The following SCN3A variants were observed in gnomAD, a reference collection of about 807,000 sequenced individuals.
SCN3A encodes sodium channel protein type 3 subunit alpha.
Under a neutral mutation model 187.6 loss-of-function variants are expected in SCN3A, and 60 were observed. The observed-to-expected ratio is 0.32, with a 90% CI of 0.26 to 0.40. The LOEUF is 0.40. Among genes scored for constraint, SCN3A ranks in the 10% least tolerant of loss-of-function variants. The pLI is 1.00. For synonymous variants in SCN3A, 788 were observed against 829.2 expected, an observed-to-expected ratio of 0.95 and a Z score of 0.85; for missense variants, 1,601 against 2,428.2, an observed-to-expected ratio of 0.66 and a Z score of 7.16.
chr2:165,160,671 C>T (rs993987519), intron 9 of SCN3A, among the ~76,000 whole-genome samples: 4 of 151,558 alleles, frequency 2.6e-5, no homozygotes, highest in African/African-American at 7.3e-5. Flanking sequence ...GACAGGGTCT[C>T]GCTTTGTCAT....
At chr2:165,177,798 A>G (rs992471669) in intron 2 of SCN3A, among the ~76,000 whole-genome samples, 1 of 152,222 alleles carries the variant, frequency 6.6e-6, no homozygotes, top group African/African-American at 2.4e-5. Context: ...TAAATTTCGA[A>G]ATATGAGTTA....
chr2:165,125,440 A>T (rs1235218453), intron 18 of SCN3A, among the ~76,000 whole-genome samples: 1 of 152,034 alleles, frequency 6.6e-6, no homozygotes, highest in Non-Finnish European at 1.5e-5. Context: ...AGTAGCTGGG[A>T]CTACAGGTGC....
chr2:165,171,477 A>C (rs1454391320), intron 3 of SCN3A, among the ~76,000 whole-genome samples: 1 of 152,090 alleles, frequency 6.6e-6, no homozygotes, highest in Non-Finnish European at 1.5e-5. Context: ...CTGCCTGAAT[A>C]TTAGGCTGTC....
chr2:165,150,507 A>G (rs184345819), intron 11 of SCN3A, among the ~76,000 whole-genome samples: 144 of 152,342 alleles, frequency 9.5e-4, no homozygotes, highest in African/African-American at 3.4e-3. Flanking sequence ...TCAGTATTAT[A>G]CTTTACCTTG....
intron 20 of SCN3A, among the ~76,000 whole-genome samples, chr2:165,113,594 C>T (rs987308895): frequency 5.9e-5 from 9 of 152,128 alleles, no homozygotes; most frequent in African/African-American, 2.2e-4. Context: ...GTGAGGAAAA[C>T]ATCTGTTAGA....
At chr2:165,166,794 T>C (rs1001892357) in intron 5 of SCN3A, among the ~76,000 whole-genome samples, 33 of 152,218 alleles carry the variant, frequency 2.2e-4, no homozygotes, top group African/African-American at 8.0e-4. Flanking sequence ...TCCAGCTGAA[T>C]GATGCAAATC....
intron 15 of SCN3A, among the ~76,000 whole-genome samples, chr2:165,132,166 G>A (rs1453419073): frequency 6.6e-6 from 1 of 152,168 alleles, no homozygotes; most frequent in Non-Finnish European, 1.5e-5. Flanking sequence ...CGATGTTCAT[G>A]GGTAGGAAGA....
chr2:165,197,746 A>G (rs892798921), intron 1 of SCN3A, among the ~76,000 whole-genome samples: 3 of 151,716 alleles, frequency 2.0e-5, no homozygotes, highest in African/African-American at 7.3e-5. Flanking sequence ...CATACTATTC[A>G]TGCTTTATGT....
intron 5 of SCN3A, among the ~76,000 whole-genome samples, chr2:165,168,276 T>C (rs898337045): frequency 6.6e-6 from 1 of 152,110 alleles, no homozygotes; most frequent in Admixed American, 6.6e-5. Flanking sequence ...AAAACTTACA[T>C]ATCTAAATAT....
rs200940443 is a variant in SCN3A at position 165,146,882 on chromosome 2, C to T, written c.1528G>A (p.Glu510Lys). The change falls in exon 12 of 28, where the codon GAG becomes AAG. Residue 510 changes from glutamate to lysine, a missense_variant. Physicochemically the swap from Glu to Lys is moderately conservative, Grantham distance 56. Transcript: ENST00000283254. ...RNRRKKRRQR[E>K]HLEGNNKGER... is the part of the protein sequence containing the mutation. ...CCTTTGTTGTTTCCTTCAAGGTGCT[C>T]TCTCTGTCTTCTTTTCTTCCTTCGG... 52 of 1,614,024 alleles carry T rather than the reference C, an allele frequency of 3.2e-5. No individual in the cohort carries two copies. In the Admixed American group the frequency reaches 8.5e-4, roughly 26 times the overall value.
chr2:165,097,232 C>G lies in SCN3A; in HGVS notation c.4239+20G>C, dbSNP rs754178520. 7 of 1,613,508 alleles carry G rather than the reference C, an allele frequency of 4.3e-6. 1 individual carries two copies. The South Asian group carries it at 7.7e-5, about 18-fold the overall frequency. ...AAACATCTTGAAAACTTTTTCAAAA[C>G]TCGTACAGTAGCCACTTACCACTTG... On this transcript the variant is annotated intron_variant, in intron 23 of 27. Transcript: ENST00000283254.
intron 18 of SCN3A, among the ~76,000 whole-genome samples, chr2:165,126,089 G>A (rs1030334358): frequency 6.6e-6 from 1 of 151,954 alleles, no homozygotes; most frequent in Non-Finnish European, 1.5e-5. Context: ...AAGTTTTGTT[G>A]ATACACTTAT....
chr2:165,147,175 T>G (rs1459477831), intron 11 of SCN3A, 146 bp from the exon 12 acceptor site: 1 of 896,294 alleles, frequency 1.1e-6, no homozygotes, highest in Non-Finnish European at 1.7e-6. Flanking sequence ...CCACAAGAGT[T>G]TACTTAACAA....
intron 15 of SCN3A, among the ~76,000 whole-genome samples, chr2:165,134,524 C>T (rs1461647736): frequency 6.6e-6 from 1 of 152,066 alleles, no homozygotes; most frequent in African/African-American, 2.4e-5. Flanking sequence ...GGGAAATACC[C>T]ATCACAGAAA....
chr2:165,146,866 T>G lies in SCN3A; in HGVS notation c.1544A>C (p.Asn515Thr), dbSNP rs1688377578. The G allele has an allele frequency of 6.2e-7, 1 of 1,613,982 alleles. No homozygotes were observed. The highest frequency in any genetic ancestry group is 1.1e-5 in the South Asian group (1 of 91,084). ...KRRQREHLEG[N>T]NKGERDSFPK... ...AAAGCTGTCTCTCTCTCCTTTGTTG[T>G]TTCCTTCAAGGTGCTCTCTCTGTCT... The change falls in exon 12 of 28, where the codon AAC becomes ACC. Residue 515 changes from asparagine to threonine, a missense_variant. Asn to Thr is a moderately conservative substitution (Grantham distance 65, BLOSUM62 0). Coordinates refer to ENST00000283254, the MANE Select transcript of SCN3A (RefSeq NM_006922.4).
intron 4 of SCN3A, 143 bp from the exon 5 acceptor site, chr2:165,168,968 T>G (rs553342530): frequency 1.6e-6 from 1 of 644,010 alleles, no homozygotes; most frequent in South Asian, 2.0e-5. Context: ...AATAAGAAAC[T>G]TCAAAGCCTG....
intron 1 of SCN3A, among the ~76,000 whole-genome samples, chr2:165,200,293 T>A (rs1393227917): frequency 6.6e-6 from 1 of 152,084 alleles, no homozygotes; most frequent in Admixed American, 6.6e-5. Context: ...GAATGAATAA[T>A]ATATTTTTAG....
At chr2:165,128,684 A>G (rs191042328) in intron 17 of SCN3A, among the ~76,000 whole-genome samples, 112 of 152,354 alleles carry the variant, frequency 7.4e-4, no homozygotes, top group African/African-American at 2.5e-3. Flanking sequence ...CCCATCAAAT[A>G]CACTTTGAAA....
intron 21 of SCN3A, among the ~76,000 whole-genome samples, chr2:165,103,028 ATTT>A (rs1182095513): frequency 6.6e-6 from 1 of 152,100 alleles, no homozygotes; most frequent in Non-Finnish European, 1.5e-5. Context: ...ATACATAAAT[ATTT>A]TTTTCTGGTT....
Sources: gnomAD v4.1 joint callset for allele counts (sites outside exome capture counted in the v4.1 genomes callset) on GRCh38, gnomAD v4.1.1 for gene constraint, MANE v1.5 for transcripts, NCBI Gene and HGNC (gene_info 2026-07-23, HGNC 2026-07-21) for gene names.